SLK: variants seen among roughly 807,000 people sequenced by gnomAD.
The protein encoded by SLK is STE20 like kinase.
SLK carries 67 observed loss-of-function variants against 147.7 expected under a neutral mutation model. That is an observed-to-expected ratio of 0.45 (90% confidence interval 0.37 to 0.56). The LOEUF is 0.56. Ranked by LOEUF, SLK falls within the 20% of genes least tolerant of loss-of-function variation. The pLI is 0.00. For missense variants in SLK, 1,136 were observed against 1,438.8 expected (o/e 0.79, Z 3.41); for synonymous variants, 441 against 475.0 (o/e 0.93, Z 0.93).
chr10:104,009,585 G>T (rs1844373002), intron 12 of SLK, among the ~76,000 whole-genome samples: 1 of 151,748 alleles, frequency 6.6e-6, no homozygotes, highest in Admixed American at 6.6e-5. Context: ...ACATTACTGG[G>T]GCTACATGTT....
Position 103,999,865 on chromosome 10 carries a change from A to C in SLK, c.783-2A>C. The C allele has an allele frequency of 7.7e-7, 1 of 1,295,674 alleles. No individual in the cohort carries two copies. The highest frequency in any genetic ancestry group is 1.1e-6 in the Non-Finnish European group (1 of 908,372). 80.3% of individuals were successfully genotyped at this position (1,295,674 alleles called of 1,614,324 possible). ...AGAATGTTGTTAAAATTTATTTTAA[A>C]GGTCTTCAAATTTTAAGGACTTTCT... On this transcript the variant is annotated splice_acceptor_variant, in intron 6 of 18. Transcript: ENST00000369755. LOFTEE classifies it high-confidence loss of function.
chr10:104,025,756 T>G lies in SLK; in HGVS notation c.*36T>G. The G allele has an allele frequency of 5.0e-6, 8 of 1,592,708 alleles. No individual in the cohort carries two copies. The highest frequency in any genetic ancestry group is 1.1e-5 in the South Asian group (1 of 89,872). ...CATTCTGTGCGTGGGTTTGGCTCTT[T>G]CAGTATGTCATTCTGTTCTCATCTT... On this transcript the variant is annotated 3_prime_UTR_variant, in exon 19 of 19. Transcript: ENST00000369755.
intron 1 of SLK, among the ~76,000 whole-genome samples, chr10:103,978,900 C>T (rs1270817136): frequency 6.6e-6 from 1 of 152,154 alleles, no homozygotes; most frequent in Non-Finnish European, 1.5e-5. Context: ...CCATCCCTTC[C>T]TCCTTTCTTG....
intron 7 of SLK, among the ~76,000 whole-genome samples, chr10:104,000,644 C>T (rs1844233600): frequency 6.6e-6 from 1 of 152,196 alleles, no homozygotes; most frequent in Admixed American, 6.5e-5. Context: ...GCTTCTCATT[C>T]TCAAGAATTT....
intron 1 of SLK, among the ~76,000 whole-genome samples, chr10:103,977,213 CAT>C (rs150472760): frequency 0.029 from 4,466 of 152,084 alleles, 154 homozygotes; most frequent in African/African-American, 0.088. Context: ...TTTCCTGATC[CAT>C]AGAGGTATTT....
chr10:104,008,689 T>C (rs1844360815), intron 12 of SLK, among the ~76,000 whole-genome samples: 1 of 152,222 alleles, frequency 6.6e-6, no homozygotes, highest in South Asian at 2.1e-4. Context: ...CATCTTAAGG[T>C]CTACCATTGT....
intron 11 of SLK, among the ~76,000 whole-genome samples, chr10:104,006,568 C>G (rs1185922639): frequency 6.6e-6 from 1 of 152,072 alleles, no homozygotes; most frequent in Non-Finnish European, 1.5e-5. Flanking sequence ...GTCACTGAGT[C>G]CTTCAGTTTT....
chr10:103,981,426 A>G (rs538513764), intron 1 of SLK, among the ~76,000 whole-genome samples: 3 of 152,120 alleles, frequency 2.0e-5, no homozygotes, highest in East Asian at 3.8e-4. Flanking sequence ...CAAGTCCAGT[A>G]TCATAAAGCT....
In SLK at chr10:104,027,165, T is replaced by C. The variant is rs1844609137; in HGVS notation, c.*1445T>C. 6.6e-6 allele frequency: 1 copy of C among 152,580 alleles called. No individual in the cohort carries two copies. Among genetic ancestry groups the C allele is most frequent in the Non-Finnish European group, 1.5e-5 (1 of 68,022 alleles). 9.5% of individuals were successfully genotyped at this position (152,580 alleles called of 1,614,324 possible). On this transcript the variant is annotated 3_prime_UTR_variant, in exon 19 of 19. Coordinates refer to ENST00000369755, the MANE Select transcript of SLK (RefSeq NM_014720.4). Reference sequence around the variant, plus strand: ...AAATGTAACTTTGTGGGAACACTGATTCATATTTAGAAAATGTAAATGTCT... The same window carrying C: ...AAATGTAACTTTGTGGGAACACTGACTCATATTTAGAAAATGTAAATGTCT...
rs758015290 is a variant in SLK at position 104,002,579 on chromosome 10, A to G, written c.1401A>G (p.Leu467=). ...TAGAAACAAATATTGAACATAATCT[A>G]AAATCTGAGGAAGAAAAGGATCAGG... The part of the protein sequence containing the change: ...ITLETNIEHN[L]KSEEEKDQEK... Residue 467 remains leucine (L), a synonymous_variant, in exon 9 of 19, where the codon CTA becomes CTG. Transcript: ENST00000369755. 1.2e-6 allele frequency: 2 copies of G among 1,604,510 alleles called. No homozygotes were observed. The highest frequency in any genetic ancestry group is 2.2e-5 in the South Asian group (2 of 90,080).
rs1448825627 is a variant in SLK at position 104,002,877 on chromosome 10, G to C, written c.1699G>C (p.Glu567Gln). The C allele has an allele frequency of 6.2e-7, 1 of 1,614,100 alleles. No individual in the cohort carries two copies. ...TCAGAAAGTGGATGAAGACAGTGCTGAGGATACGCAGAGTAATGATGGGAA... is the reference window on the plus strand; with the variant it reads ...TCAGAAAGTGGATGAAGACAGTGCTCAGGATACGCAGAGTAATGATGGGAA... ...VAQKVDEDSA[E>Q]DTQSNDGKEV... The change falls in exon 9 of 19, where the codon GAG (glutamate) becomes CAG (glutamine). Residue 567 changes from glutamate to glutamine, a missense_variant. Around this residue, in one of 6 missense-constraint regions of SLK, gnomAD observed 516 missense variants for 531.3 expected, o/e 0.97. Transcript: ENST00000369755.
intron 13 of SLK, among the ~76,000 whole-genome samples, chr10:104,017,880 A>G (rs916449861): frequency 6.6e-6 from 1 of 152,220 alleles, no homozygotes; most frequent in Non-Finnish European, 1.5e-5. Context: ...CAAAGATGCT[A>G]GTGTAATAGG....
chr10:104,025,414 C>T (rs1312317267), intron 18 of SLK, among the ~76,000 whole-genome samples, 160 bp from the exon 19 acceptor site: 1 of 152,132 alleles, frequency 6.6e-6, no homozygotes, highest in Admixed American at 6.5e-5. Context: ...GCACATAGGG[C>T]TGTACAAAGC....
chr10:103,996,439 C>A, intron 4 of SLK, among the ~76,000 whole-genome samples: 1 of 142,138 alleles, frequency 7.0e-6, no homozygotes, highest in South Asian at 2.2e-4. Context: ...TGCTCTTTCA[C>A]CCAGGCCGGA....
At chr10:103,999,548 G>A (rs1339269300) in intron 6 of SLK, among the ~76,000 whole-genome samples, 1 of 152,068 alleles carries the variant, frequency 6.6e-6, no homozygotes, top group Non-Finnish European at 1.5e-5. Context: ...CATGAGAAAG[G>A]TATTTTCTGT....
intron 1 of SLK, among the ~76,000 whole-genome samples, chr10:103,970,273 C>T (rs574312792): frequency 3.9e-5 from 6 of 152,328 alleles, no homozygotes; most frequent in African/African-American, 1.4e-4. Context: ...TTTCTAATGG[C>T]ATGGGCAGAC....
chr10:103,996,529 G>A (rs1025677551), intron 4 of SLK, among the ~76,000 whole-genome samples: 1 of 151,412 alleles, frequency 6.6e-6, no homozygotes, highest in Non-Finnish European at 1.5e-5. Flanking sequence ...CTCCCGAGTA[G>A]CTGGGACTAC....
intron 1 of SLK, among the ~76,000 whole-genome samples, chr10:103,969,945 A>G (rs1243851089): frequency 6.6e-6 from 1 of 152,224 alleles, no homozygotes; most frequent in Non-Finnish European, 1.5e-5. Flanking sequence ...GATTATGGGC[A>G]GTTTTCATGG....
At chr10:104,001,377 G>A (rs1158781820) in intron 7 of SLK, 67 bp from the exon 8 acceptor site, 3 of 1,264,678 alleles carry the variant, frequency 2.4e-6, no homozygotes, top group Non-Finnish European at 3.4e-6. Flanking sequence ...AATGTGTGTT[G>A]TGTGTGTTTG....
Sources: allele counts gnomAD v4.1 joint callset (sites outside exome capture counted in the v4.1 genomes callset), GRCh38; gene constraint gnomAD v4.1.1; regional missense constraint gnomAD v4.1.1; transcripts MANE v1.5; gene names NCBI Gene and HGNC (gene_info 2026-07-23, HGNC 2026-07-21).